Variants in RNF217 observed in about 807,000 individuals in gnomAD.
RNF217 encodes the protein E3 ubiquitin-protein ligase RNF217.
In RNF217, 31 loss-of-function variants were observed where a neutral mutation model predicts 57.8. That is an observed-to-expected ratio of 0.54 (90% confidence interval 0.40 to 0.72). RNF217 has a LOEUF of 0.72. Among genes scored for constraint, RNF217 ranks in the 30% least tolerant of loss-of-function variants. RNF217 has a pLI of 0.00. For synonymous variants in RNF217, 313 were observed against 294.0 expected, an observed-to-expected ratio of 1.06 and a Z score of -0.66; for missense variants, 696 against 708.3, an observed-to-expected ratio of 0.98 and a Z score of 0.20.
chr6:125,019,096 A>T (rs984811553), intron 1 of RNF217, among the ~76,000 whole-genome samples: 2 of 152,142 alleles, frequency 1.3e-5, no homozygotes, highest in Non-Finnish European at 1.5e-5. Flanking sequence ...GATCACAGAG[A>T]TGCAATTAGC....
chr6:125,040,810 A>G (rs749676161), intron 1 of RNF217, among the ~76,000 whole-genome samples: 1 of 152,168 alleles, frequency 6.6e-6, no homozygotes, highest in Non-Finnish European at 1.5e-5. Flanking sequence ...AACATTATGT[A>G]ATCATAATCA....
chr6:124,972,901 T>C lies in RNF217; in HGVS notation c.882+9475T>C, dbSNP rs564831017. On this transcript the variant is annotated intron_variant, in intron 1 of 5. Transcript: ENST00000521654. Reference sequence around the variant, plus strand: ...CTTGTTTCACTGTATTTAAATTGTCTGTTTCCTGCTCTGTGCTTCCATTAG... The same window carrying C: ...CTTGTTTCACTGTATTTAAATTGTCCGTTTCCTGCTCTGTGCTTCCATTAG... 3.3e-5 allele frequency among the ~76,000 whole-genome samples: 5 copies of C among 152,212 alleles called. No homozygotes were observed. The South Asian group carries it at 8.3e-4, about 25-fold the overall frequency.
At chr6:125,041,463 A>G (rs1295697500) in intron 1 of RNF217, among the ~76,000 whole-genome samples, 2 of 152,112 alleles carry the variant, frequency 1.3e-5, no homozygotes, top group Non-Finnish European at 2.9e-5. Flanking sequence ...CATGGCCAAC[A>G]AGGCCCATGT....
intron 1 of RNF217, among the ~76,000 whole-genome samples, chr6:125,027,834 G>A (rs1326432528): frequency 1.3e-5 from 2 of 152,066 alleles, no homozygotes; most frequent in African/African-American, 4.8e-5. Context: ...CTGTCTTTTG[G>A]ATACAAGCTG....
Position 125,083,766 on chromosome 6 carries a change from T to C in RNF217, c.*829T>C, listed in dbSNP as rs1788686496. On this transcript the variant is annotated 3_prime_UTR_variant, in exon 6 of 6. Transcript: ENST00000521654. ...TTCTATTTCTTGCTCTTTCTTTTTG[T>C]CACACAAACACAGAAATTTGTGCAA... 6.6e-6 allele frequency: 1 copy of C among 152,090 alleles called. No individual in the cohort carries two copies. The highest frequency in any genetic ancestry group is 2.4e-5 in the African/African-American group (1 of 41,460). The allele number at this position is 152,090 out of a possible 1,614,324, so 9.4% of individuals were successfully genotyped here.
At position 124,968,886 on chromosome 6, in the gene RNF217, C is replaced by T. The variant is rs1005353290; in HGVS notation, c.882+5460C>T. Among the ~76,000 whole-genome samples, 7 of 152,182 alleles carry T rather than the reference C, an allele frequency of 4.6e-5. No homozygotes were observed. In the East Asian group the frequency reaches 9.6e-4, roughly 21 times the overall value. ...TAATTTCTTATAATTATTCATTTAT[C>T]AGTGCACTATTTGTGCATTTAACAA... is the stretch of plus-strand genomic sequence containing the variant. On this transcript the variant is annotated intron_variant, in intron 1 of 5. Transcript: ENST00000521654.
chr6:124,989,256 A>G (rs1468329690), intron 1 of RNF217, among the ~76,000 whole-genome samples: 1 of 152,190 alleles, frequency 6.6e-6, no homozygotes, highest in Non-Finnish European at 1.5e-5. Context: ...TTCTTTTAGT[A>G]TAACTACAGT....
intron 1 of RNF217, among the ~76,000 whole-genome samples, chr6:124,985,707 A>G (rs548137962): frequency 3.9e-5 from 6 of 152,288 alleles, no homozygotes; most frequent in East Asian, 1.9e-4. Flanking sequence ...TGTGTATAGT[A>G]TAGTAAAAAA....
intron 1 of RNF217, among the ~76,000 whole-genome samples, chr6:124,997,875 T>C (rs1784811854): frequency 6.6e-6 from 1 of 152,214 alleles, no homozygotes; most frequent in Non-Finnish European, 1.5e-5. Flanking sequence ...CATCCTGTAG[T>C]ATCCCTTTGA....
chr6:125,010,813 G>A (rs556059167), intron 1 of RNF217, among the ~76,000 whole-genome samples: 1 of 152,170 alleles, frequency 6.6e-6, no homozygotes, highest in African/African-American at 2.4e-5. Flanking sequence ...GTGCCTGGGT[G>A]TAGCAGAGAG....
intron 1 of RNF217, among the ~76,000 whole-genome samples, chr6:125,039,534 A>T (rs746378039): frequency 2.6e-5 from 4 of 152,166 alleles, no homozygotes; most frequent in Non-Finnish European, 5.9e-5. Flanking sequence ...AATATTAGAC[A>T]GATCAACAAG....
At chr6:125,043,309 C>T (rs1468542375) in intron 1 of RNF217, among the ~76,000 whole-genome samples, 1 of 151,966 alleles carries the variant, frequency 6.6e-6, no homozygotes, top group Non-Finnish European at 1.5e-5. Flanking sequence ...CTTGAAACCC[C>T]TTCTCACTTT....
At chr6:125,037,587 C>T (rs578104648) in intron 1 of RNF217, among the ~76,000 whole-genome samples, 5 of 152,124 alleles carry the variant, frequency 3.3e-5, no homozygotes, top group South Asian at 2.1e-4. Context: ...AACAAAAAAC[C>T]GTATGTGTCA....
chr6:125,032,808 G>A (rs560708138), intron 1 of RNF217, among the ~76,000 whole-genome samples: 60 of 152,212 alleles, frequency 3.9e-4, no homozygotes, highest in African/African-American at 1.4e-3. Flanking sequence ...ATAGTAAGGA[G>A]GGAAGAAAAG....
Position 125,084,753 on chromosome 6 carries a change from A to G in RNF217, c.*1816A>G, listed in dbSNP as rs1262662117. ...GTGACATTTATGGTTTGGGAATAGC[A>G]TATTTCTAAAGCATAATATAATACA... On this transcript the variant is annotated 3_prime_UTR_variant, in exon 6 of 6. Coordinates refer to ENST00000521654, the MANE Select transcript of RNF217 (RefSeq NM_001286398.3). 6.6e-6 allele frequency: 1 copy of G among 151,948 alleles called. No individual in the cohort carries two copies. Among genetic ancestry groups the G allele is most frequent in the African/African-American group, 2.4e-5 (1 of 41,430 alleles). The allele number at this position is 151,948 out of a possible 1,614,324, so 9.4% of individuals were successfully genotyped here.
At chr6:124,983,706 G>A (rs772530793) in intron 1 of RNF217, among the ~76,000 whole-genome samples, 2 of 152,136 alleles carry the variant, frequency 1.3e-5, no homozygotes, top group Non-Finnish European at 2.9e-5. Flanking sequence ...TGGCTCAGTA[G>A]GAAGAGGCTT....
intron 1 of RNF217, among the ~76,000 whole-genome samples, chr6:125,027,454 A>G (rs780124221): frequency 6.6e-6 from 1 of 152,190 alleles, no homozygotes; most frequent in African/African-American, 2.4e-5. Flanking sequence ...AATAATCTGC[A>G]ATTTCCTCCA....
At chr6:125,001,950 C>A (rs1785005016) in intron 1 of RNF217, among the ~76,000 whole-genome samples, 1 of 152,180 alleles carries the variant, frequency 6.6e-6, no homozygotes, top group Non-Finnish European at 1.5e-5. Flanking sequence ...CTGTTTCCAT[C>A]TAGGCAGGGT....
At chr6:125,034,030 T>G (rs900054438) in intron 1 of RNF217, among the ~76,000 whole-genome samples, 9 of 151,950 alleles carry the variant, frequency 5.9e-5, no homozygotes, top group East Asian at 3.9e-4. Context: ...TTGCCCACTT[T>G]TTGATGGGGT....
Sources: allele counts gnomAD v4.1 joint callset (sites outside exome capture counted in the v4.1 genomes callset), GRCh38; gene constraint gnomAD v4.1.1; transcripts MANE v1.5; gene names NCBI Gene and HGNC (gene_info 2026-07-23, HGNC 2026-07-21).